Variants in CAMKMT observed in about 807,000 individuals in gnomAD.
The protein encoded by CAMKMT is CaM KMT.
Under a neutral mutation model 48.0 loss-of-function variants are expected in CAMKMT, and 53 were observed. The observed-to-expected ratio is 1.10, with a 90% CI of 0.89 to 1.39. The LOEUF (loss-of-function observed/expected upper bound fraction) is 1.39, where lower values mean the gene tolerates loss of function less well. CAMKMT is among the 40% of genes most tolerant of loss of function. CAMKMT has a pLI of 0.00. For synonymous variants in CAMKMT, 165 were observed against 152.3 expected, an observed-to-expected ratio of 1.08 and a Z score of -0.61; for missense variants, 428 against 402.7, an observed-to-expected ratio of 1.06 and a Z score of -0.54.
chr2:44,629,751 C>G (rs60819271), intron 3 of CAMKMT, among the ~76,000 whole-genome samples: 4,844 of 152,158 alleles, frequency 0.032, 220 homozygotes, highest in African/African-American at 0.099. Context: ...AAAGAGGACA[C>G]AAACAAATGG....
At chr2:44,505,389 A>G (rs965003213) in intron 3 of CAMKMT, among the ~76,000 whole-genome samples, 2 of 152,130 alleles carry the variant, frequency 1.3e-5, no homozygotes, top group Non-Finnish European at 2.9e-5. Flanking sequence ...AAAGGCTTTT[A>G]GTTTTGATGA....
intron 7 of CAMKMT, among the ~76,000 whole-genome samples, chr2:44,741,328 C>T (rs2068737972): frequency 6.6e-6 from 1 of 152,272 alleles, no homozygotes; most frequent in Middle Eastern, 3.4e-3. Context: ...AGTGAACTCA[C>T]CATCATCTCT....
In CAMKMT at chr2:44,653,992, T is replaced by G. The variant is rs72867779; in HGVS notation, c.377-50291T>G. 8.4e-3 allele frequency among the ~76,000 whole-genome samples: 1,279 copies of G among 152,322 alleles called. 12 individuals are homozygous for G. Among genetic ancestry groups the G allele is most frequent in the African/African-American group, 0.024 (983 of 41,572 alleles). On this transcript the variant is annotated intron_variant, in intron 3 of 10. Transcript: ENST00000378494. This position sits in a 1 kb window ranked among gnomAD's most constrained non-coding sequence, Gnocchi z 5.2. Reference sequence around the variant, plus strand: ...TTCTTTGAATTAAAATTTTCTTAGTTTGCCGTGTATTTTAATTGACTCTGG... The same window carrying G: ...TTCTTTGAATTAAAATTTTCTTAGTGTGCCGTGTATTTTAATTGACTCTGG...
intron 3 of CAMKMT, among the ~76,000 whole-genome samples, chr2:44,427,526 G>A (rs1382847789): frequency 1.3e-5 from 2 of 152,294 alleles, no homozygotes; most frequent in Admixed American, 1.3e-4. Context: ...AGACATCCAA[G>A]TGGCCAACAA....
At chr2:44,488,238 C>T (rs949233804) in intron 3 of CAMKMT, among the ~76,000 whole-genome samples, 1 of 152,192 alleles carries the variant, frequency 6.6e-6, no homozygotes, top group African/African-American at 2.4e-5. Context: ...GTGGCTCACA[C>T]CTGTAATCCC....
At chr2:44,507,436 T>A (rs1284278463) in intron 3 of CAMKMT, among the ~76,000 whole-genome samples, 3 of 152,146 alleles carry the variant, frequency 2.0e-5, no homozygotes, top group Non-Finnish European at 4.4e-5. Flanking sequence ...TTTTATTGAC[T>A]GCAAAAAAGC....
At chr2:44,512,738 C>A (rs963622960) in intron 3 of CAMKMT, among the ~76,000 whole-genome samples, 3 of 152,204 alleles carry the variant, frequency 2.0e-5, no homozygotes, top group African/African-American at 7.2e-5. Context: ...GATGTATAGT[C>A]AACTTACAAT....
At chr2:44,494,695 A>G (rs1446043898) in intron 3 of CAMKMT, among the ~76,000 whole-genome samples, 1 of 152,240 alleles carries the variant, frequency 6.6e-6, no homozygotes, top group Admixed American at 6.5e-5. Context: ...CACAGGTTAG[A>G]GTTAGTTAAA....
At chr2:44,672,558 A>G (rs1675393840) in intron 3 of CAMKMT, among the ~76,000 whole-genome samples, 1 of 152,192 alleles carries the variant, frequency 6.6e-6, no homozygotes, top group African/African-American at 2.4e-5. Flanking sequence ...TCTCCAATTC[A>G]GTCTCTTTCT....
chr2:44,597,528 C>T (rs192547015), intron 3 of CAMKMT, among the ~76,000 whole-genome samples: 33 of 152,206 alleles, frequency 2.2e-4, no homozygotes, highest in Non-Finnish European at 1.5e-5. Flanking sequence ...TATTATAATC[C>T]CTTTAGCTCA....
chr2:44,735,202 T>C (rs936140474), intron 7 of CAMKMT, among the ~76,000 whole-genome samples: 2 of 152,222 alleles, frequency 1.3e-5, no homozygotes, highest in Non-Finnish European at 2.9e-5. Flanking sequence ...TGGTATAGCT[T>C]TGTCCATCTT....
intron 3 of CAMKMT, among the ~76,000 whole-genome samples, chr2:44,560,778 C>G (rs1346434067): frequency 2.6e-5 from 4 of 152,196 alleles, no homozygotes; most frequent in Admixed American, 2.0e-4. Context: ...CTCCCCCATT[C>G]TTTGGGATGT....
chr2:44,762,133 CAG>C (rs969917078), intron 9 of CAMKMT, among the ~76,000 whole-genome samples: 3 of 152,148 alleles, frequency 2.0e-5, no homozygotes, highest in Non-Finnish European at 4.4e-5. Context: ...CAAAAGGAGA[CAG>C]AGAGACTGAG....
At chr2:44,538,925 C>T (rs1268733585) in intron 3 of CAMKMT, among the ~76,000 whole-genome samples, 1 of 150,276 alleles carries the variant, frequency 6.7e-6, no homozygotes, top group Non-Finnish European at 1.5e-5. Context: ...TTTGCATCTA[C>T]ACTTTTCTTT....
chr2:44,438,681 G>A (rs1377172103), intron 3 of CAMKMT, among the ~76,000 whole-genome samples: 1 of 151,944 alleles, frequency 6.6e-6, no homozygotes, highest in Non-Finnish European at 1.5e-5. Context: ...AACTACTCAG[G>A]TGTGTGTTTT....
At chr2:44,367,844 A>T (rs1274001103) in intron 1 of CAMKMT, among the ~76,000 whole-genome samples, 1 of 152,204 alleles carries the variant, frequency 6.6e-6, no homozygotes, top group Admixed American at 6.5e-5. Context: ...GGTGTTGATG[A>T]TGTAATCAGG....
At chr2:44,719,024 A>G (rs953376883) in intron 7 of CAMKMT, among the ~76,000 whole-genome samples, 5 of 152,148 alleles carry the variant, frequency 3.3e-5, no homozygotes, top group South Asian at 2.1e-4. Context: ...GATTTTTGAA[A>G]GGTACGTTCC....
chr2:44,562,294 C>T (rs1668363683), intron 3 of CAMKMT, among the ~76,000 whole-genome samples: 1 of 152,192 alleles, frequency 6.6e-6, no homozygotes, highest in Non-Finnish European at 1.5e-5. Flanking sequence ...GCACTATCCA[C>T]AGTCTCTGTT....
intron 3 of CAMKMT, among the ~76,000 whole-genome samples, chr2:44,453,083 G>A (rs1667377857): frequency 6.6e-6 from 1 of 151,980 alleles, no homozygotes; most frequent in Non-Finnish European, 1.5e-5. Context: ...AACTTATCAT[G>A]TATTCATGGA....
Sources: allele counts gnomAD v4.1 joint callset (sites outside exome capture counted in the v4.1 genomes callset), GRCh38; gene constraint gnomAD v4.1.1; non-coding constraint Gnocchi (gnomAD v3.1); transcripts MANE v1.5; gene names NCBI Gene and HGNC (gene_info 2026-07-23, HGNC 2026-07-21).